CYYR1: variants seen among roughly 807,000 people sequenced by gnomAD.
CYYR1 encodes the protein cysteine and tyrosine rich 1, also known as cysteine and tyrosine-rich protein 1.
CYYR1 carries 14 observed loss-of-function variants against 15.2 expected under a neutral mutation model. The observed-to-expected ratio is 0.92, with a 90% CI of 0.61 to 1.44. The LOEUF is 1.44. Among genes scored for constraint, CYYR1 ranks in the 40% most tolerant of loss-of-function variants. The pLI, the probability that CYYR1 is intolerant of heterozygous loss-of-function variation, is 0.00. For synonymous variants in CYYR1, 80 were observed against 77.4 expected (o/e 1.03, Z -0.18); for missense variants, 228 against 209.5 (o/e 1.09, Z -0.54).
intron 2 of CYYR1, among the ~76,000 whole-genome samples, chr21:26,520,390 C>A (rs2065789183): frequency 6.6e-6 from 1 of 151,764 alleles, no homozygotes; most frequent in Non-Finnish European, 1.5e-5. Flanking sequence ...TCATCCATGT[C>A]CCTGCAAAGG....
chr21:26,485,824 A>T (rs569052402), intron 2 of CYYR1, among the ~76,000 whole-genome samples: 2 of 152,112 alleles, frequency 1.3e-5, no homozygotes, highest in South Asian at 2.1e-4. Flanking sequence ...AAATGCCCAG[A>T]AGTGCAATTA....
At chr21:26,469,950 A>G (rs1319762838) in intron 3 of CYYR1, among the ~76,000 whole-genome samples, 1 of 152,130 alleles carries the variant, frequency 6.6e-6, no homozygotes, top group Non-Finnish European at 1.5e-5. Flanking sequence ...TCATTTTGCA[A>G]CATCTGAGCA....
intron 2 of CYYR1, among the ~76,000 whole-genome samples, chr21:26,553,589 G>A (rs1569173958): frequency 6.6e-6 from 1 of 152,022 alleles, no homozygotes; most frequent in Non-Finnish European, 1.5e-5. Context: ...GGAAACAACT[G>A]GTAAATTTAT....
At chr21:26,496,328 C>T (rs2065403639) in intron 2 of CYYR1, among the ~76,000 whole-genome samples, 1 of 152,070 alleles carries the variant, frequency 6.6e-6, no homozygotes, top group Non-Finnish European at 1.5e-5. Context: ...AAAGAAATAT[C>T]AGCTAGATTC....
In CYYR1 at chr21:26,570,815, T is replaced by A. The variant is rs534205204; in HGVS notation, c.73+2053A>T. On this transcript the variant is annotated intron_variant, in intron 1 of 3. Transcript: ENST00000652641. Reference sequence around the variant, plus strand: ...TCTTAGTTCCAACCAAACTGAAATATCCTTTGTTGCATGTACAGATCTTGA... The same window carrying A: ...TCTTAGTTCCAACCAAACTGAAATAACCTTTGTTGCATGTACAGATCTTGA... Among the ~76,000 whole-genome samples the A allele has an allele frequency of 3.4e-4, 52 of 152,258 alleles. No individual in the cohort carries two copies. The South Asian group carries it at 4.2e-3, about 12-fold the overall frequency.
At chr21:26,492,391 T>A (rs912596490) in intron 2 of CYYR1, among the ~76,000 whole-genome samples, 1 of 152,214 alleles carries the variant, frequency 6.6e-6, no homozygotes, top group South Asian at 2.1e-4. Context: ...TTGTAACCAC[T>A]GAGAAAGACA....
At chr21:26,472,381 A>AG (rs1299871483) in intron 3 of CYYR1, among the ~76,000 whole-genome samples, 1 of 152,202 alleles carries the variant, frequency 6.6e-6, no homozygotes, top group East Asian at 1.9e-4. Context: ...TAGCTGGCTT[A>AG]AGTAACACAT....
At chr21:26,487,946 A>T (rs537229844) in intron 2 of CYYR1, among the ~76,000 whole-genome samples, 1 of 140,648 alleles carries the variant, frequency 7.1e-6, no homozygotes, top group South Asian at 2.3e-4. Context: ...TAAAATCCAA[A>T]TATGCTAATA....
At chr21:26,503,068 A>C (rs2065503951) in intron 2 of CYYR1, among the ~76,000 whole-genome samples, 1 of 152,146 alleles carries the variant, frequency 6.6e-6, no homozygotes, top group African/African-American at 2.4e-5. Context: ...TAATGTTATC[A>C]TTTCTTTTTT....
chr21:26,561,684 C>T (rs953222195), intron 2 of CYYR1, among the ~76,000 whole-genome samples: 2 of 152,046 alleles, frequency 1.3e-5, no homozygotes, highest in Non-Finnish European at 2.9e-5. Context: ...ATCCACAGAC[C>T]GATGAGTGCT....
intron 2 of CYYR1, among the ~76,000 whole-genome samples, chr21:26,510,129 A>T (rs975924419): frequency 2.1e-5 from 3 of 141,086 alleles, no homozygotes; most frequent in African/African-American, 7.9e-5. Context: ...TATCCTGCTT[A>T]TATCAGAAAG....
In CYYR1 at chr21:26,566,311, G is replaced by C. The variant is rs79874795; in HGVS notation, c.131C>G (p.Thr44Arg). The change falls in exon 2 of 4, where the codon ACG becomes AGG. Residue 44 changes from threonine to arginine, a missense_variant. Physicochemically the swap from Thr to Arg is moderately conservative, Grantham distance 71 (BLOSUM62 -1). Transcript: ENST00000652641. ...DCKSYCCDGT[T>R]PYCCSYYAYI... ...AGCGTAGTAGGAGCAACAGTAGGGC[G>C]TGGTTCCATCACAGCAGTAAGATTT... The C allele has an allele frequency of 6.2e-7, 1 of 1,613,928 alleles. No homozygotes were observed. The highest frequency in any genetic ancestry group is 8.5e-7 in the Non-Finnish European group (1 of 1,179,878).
intron 2 of CYYR1, among the ~76,000 whole-genome samples, chr21:26,556,186 A>G (rs1029726869): frequency 6.6e-6 from 1 of 152,230 alleles, no homozygotes; most frequent in Admixed American, 6.5e-5. Context: ...AACCAATAAC[A>G]CATTCAAATG....
intron 2 of CYYR1, among the ~76,000 whole-genome samples, chr21:26,504,102 A>T (rs2065520019): frequency 6.6e-6 from 1 of 152,202 alleles, no homozygotes; most frequent in South Asian, 2.1e-4. Context: ...CATTCTGGAG[A>T]GGGTTCAAGA....
chr21:26,478,241 A>G, intron 3 of CYYR1: 2 of 1,413,850 alleles, frequency 1.4e-6, no homozygotes, highest in Non-Finnish European at 1.9e-6. Flanking sequence ...AGCAGCACAA[A>G]GAGAATTGGG....
chr21:26,543,315 A>G (rs530345969), intron 2 of CYYR1, among the ~76,000 whole-genome samples: 1 of 152,240 alleles, frequency 6.6e-6, no homozygotes, highest in Non-Finnish European at 1.5e-5. Flanking sequence ...AAACCTGCAC[A>G]TGTACCCCAG....
chr21:26,564,804 C>T (rs925571771), intron 2 of CYYR1: 6 of 1,248,546 alleles, frequency 4.8e-6, no homozygotes, highest in African/African-American at 1.5e-5. Context: ...TATACTCGCA[C>T]CTCTACCTGG....
At chr21:26,558,021 C>T (rs1979921598) in intron 2 of CYYR1, among the ~76,000 whole-genome samples, 1 of 152,184 alleles carries the variant, frequency 6.6e-6, no homozygotes, top group African/African-American at 2.4e-5. Flanking sequence ...GTACTAATCT[C>T]TTCTGTCCTT....
intron 2 of CYYR1, among the ~76,000 whole-genome samples, chr21:26,531,040 TGA>T (rs2065923963): frequency 6.6e-6 from 1 of 152,162 alleles, no homozygotes; most frequent in South Asian, 2.1e-4. Context: ...ATAACTGTGC[TGA>T]GAGGTGCTAA....
Sources: gnomAD v4.1 joint callset for allele counts (sites outside exome capture counted in the v4.1 genomes callset) on GRCh38, gnomAD v4.1.1 for gene constraint, MANE v1.5 for transcripts, NCBI Gene and HGNC (gene_info 2026-07-23, HGNC 2026-07-21) for gene names.